FAM78B: variants seen among roughly 807,000 people sequenced by gnomAD.
FAM78B encodes protein FAM78B.
FAM78B carries 10 observed loss-of-function variants against 20.0 expected under a neutral mutation model. That is an observed-to-expected ratio of 0.50 (90% CI 0.31 to 0.85). The LOEUF is 0.85. Ranked by LOEUF, FAM78B falls within the 40% of genes least tolerant of loss-of-function variation. FAM78B has a pLI of 0.05. For synonymous variants in FAM78B, 135 were observed against 132.8 expected (o/e 1.02, Z -0.12); for missense variants, 283 against 345.0 (o/e 0.82, Z 1.42).
At position 166,106,941 on chromosome 1, in the gene FAM78B, C is replaced by A. The variant is rs143902812; in HGVS notation, c.264-36178G>T. Reference sequence around the variant, plus strand: ...CATATACAAAAGTAAAAAAAAAAATCTTTGAACTGAAGAACAATAATGACA... The same window carrying A: ...CATATACAAAAGTAAAAAAAAAAATATTTGAACTGAAGAACAATAATGACA... On this transcript the variant is annotated intron_variant, in intron 1 of 1. Coordinates refer to ENST00000354422, the MANE Select transcript of FAM78B (RefSeq NM_001017961.5). Among the ~76,000 whole-genome samples, 280 of 152,000 alleles carry A rather than the reference C, an allele frequency of 1.8e-3. 1 individual carries two copies. Among genetic ancestry groups the A allele is most frequent in the African/African-American group, 6.4e-3 (264 of 41,492 alleles).
chr1:166,116,934 G>A (rs4074897), intron 1 of FAM78B, among the ~76,000 whole-genome samples: 91,848 of 152,066 alleles, frequency 0.6, 29,418 homozygotes, highest in Non-Finnish European at 0.73. Flanking sequence ...TAATGGCAGC[G>A]CCCTGCCATC....
At chr1:166,119,359 A>G (rs886996657) in intron 1 of FAM78B, among the ~76,000 whole-genome samples, 1 of 152,150 alleles carries the variant, frequency 6.6e-6, no homozygotes, top group Non-Finnish European at 1.5e-5. Flanking sequence ...TGAGTACCTG[A>G]TATTTACCTT....
intron 1 of FAM78B, among the ~76,000 whole-genome samples, chr1:166,084,235 ACACTCTCTCTCTCT>A (rs1652709589): frequency 1.7e-5 from 2 of 119,966 alleles, no homozygotes; most frequent in African/African-American, 5.7e-5. Flanking sequence ...ACACACACAC[ACACTCTCTCTCTCT>A]CTCTCTCTCT....
intron 1 of FAM78B, among the ~76,000 whole-genome samples, chr1:166,108,281 A>T (rs1268545916): frequency 6.6e-6 from 1 of 152,186 alleles, no homozygotes; most frequent in Non-Finnish European, 1.5e-5. Context: ...GAACTGATAA[A>T]AGAATTCAGC....
At chr1:166,077,744 C>T (rs1167817651) in intron 1 of FAM78B, among the ~76,000 whole-genome samples, 1 of 129,540 alleles carries the variant, frequency 7.7e-6, no homozygotes, top group African/African-American at 3.0e-5. Context: ...ATAATAAATA[C>T]ATATAATTAC....
chr1:166,123,986 A>T (rs1308519647), intron 1 of FAM78B, among the ~76,000 whole-genome samples: 1 of 152,194 alleles, frequency 6.6e-6, no homozygotes, highest in Non-Finnish European at 1.5e-5. Flanking sequence ...GAGGAGTGGG[A>T]TCTGGGCTGC....
chr1:166,157,458 G>A (rs1226770915), intron 1 of FAM78B, among the ~76,000 whole-genome samples: 1 of 151,496 alleles, frequency 6.6e-6, no homozygotes, highest in Non-Finnish European at 1.5e-5. Flanking sequence ...TCTTCTGACT[G>A]GAACCCTGCG....
intron 1 of FAM78B, among the ~76,000 whole-genome samples, chr1:166,131,124 T>C (rs540052194): frequency 1.1e-3 from 163 of 152,060 alleles, no homozygotes; most frequent in African/African-American, 3.8e-3. Context: ...CCTGAGTAGC[T>C]GGGACTACAG....
chr1:166,085,399 A>G (rs1652786797), intron 1 of FAM78B, among the ~76,000 whole-genome samples: 1 of 152,224 alleles, frequency 6.6e-6, no homozygotes, highest in African/African-American at 2.4e-5. Context: ...GGGTGGGGTC[A>G]GAACTCAAGA....
In FAM78B at chr1:166,070,502, G is replaced by A. The variant is rs1177907089; in HGVS notation, c.525C>T (p.Ala175=). The A allele has an allele frequency of 1.9e-6, 3 of 1,614,162 alleles. No individual in the cohort carries two copies. The highest frequency in any genetic ancestry group is 1.7e-6 in the Non-Finnish European group (2 of 1,180,024). ...TCTTCTCCTTTGTGGTGGTGTTCAT[G>A]GCCACCAGCCAGGTCGTGAAACTTT... is the stretch of plus-strand genomic sequence containing the variant. ...RDQSFTTWLV[A]MNTTTKEKII... is the part of the protein sequence containing the mutation. The change falls in exon 2 of 2, where the codon GCC becomes GCT. Residue 175 remains alanine, a synonymous_variant. Transcript: ENST00000354422.
chr1:166,156,566 A>C (rs1368688385), intron 1 of FAM78B, among the ~76,000 whole-genome samples: 1 of 152,222 alleles, frequency 6.6e-6, no homozygotes, highest in Non-Finnish European at 1.5e-5. Context: ...TGCTTATCTG[A>C]AATAGGAATA....
intron 1 of FAM78B, among the ~76,000 whole-genome samples, chr1:166,165,733 C>A (rs1479552059): frequency 2.0e-5 from 3 of 152,188 alleles, no homozygotes; most frequent in Non-Finnish European, 4.4e-5. Flanking sequence ...TCTTCCCGCC[C>A]CGCACCTTTC....
At chr1:166,088,543 A>G (rs1038631105) in intron 1 of FAM78B, among the ~76,000 whole-genome samples, 2 of 152,130 alleles carry the variant, frequency 1.3e-5, no homozygotes, top group African/African-American at 4.8e-5. Flanking sequence ...AAAATGGGAT[A>G]ATAATGCCTT....
At position 166,108,558 on chromosome 1, in the gene FAM78B, T is replaced by C. The variant is rs188554541; in HGVS notation, c.264-37795A>G. Reference sequence around the variant, plus strand: ...ATCCCACGCTTATGGATGGGTCGAATCAATATTGTGAAAATGACCATACTG... The same window carrying C: ...ATCCCACGCTTATGGATGGGTCGAACCAATATTGTGAAAATGACCATACTG... On this transcript the variant is annotated intron_variant, in intron 1 of 1. Coordinates refer to ENST00000354422, the MANE Select transcript of FAM78B (RefSeq NM_001017961.5). Among the ~76,000 whole-genome samples the C allele has an allele frequency of 1.1e-3, 160 of 152,256 alleles. 1 individual carries two copies. The highest frequency in any genetic ancestry group is 3.7e-3 in the African/African-American group (155 of 41,556).
At chr1:166,109,859 T>TATATATATATATATA (rs1653954417) in intron 1 of FAM78B, among the ~76,000 whole-genome samples, 1 of 23,690 alleles carries the variant, frequency 4.2e-5, no homozygotes, top group Non-Finnish European at 9.2e-5. Context: ...TATATATATA[T>TATATATATATATATA]ATGTATGTGT....
At chr1:166,090,782 CA>C (rs1315000905) in intron 1 of FAM78B, among the ~76,000 whole-genome samples, 2 of 152,278 alleles carry the variant, frequency 1.3e-5, no homozygotes, top group Non-Finnish European at 2.9e-5. Context: ...GACATGTCAT[CA>C]GGGGCAGCAG....
chr1:166,141,983 C>T (rs1208155580), intron 1 of FAM78B, among the ~76,000 whole-genome samples: 1 of 152,154 alleles, frequency 6.6e-6, no homozygotes, highest in African/African-American at 2.4e-5. Context: ...GTGGTGTTCT[C>T]TCCTGGTCTT....
At chr1:166,140,449 A>G (rs146670555) in intron 1 of FAM78B, among the ~76,000 whole-genome samples, 1 of 152,370 alleles carries the variant, frequency 6.6e-6, no homozygotes, top group African/African-American at 2.4e-5. Context: ...ACAGCATTAC[A>G]GGGCTTCGGG....
chr1:166,166,027 G>A lies in FAM78B; in HGVS notation c.222C>T (p.Cys74=). Residue 74 remains cysteine (C), a synonymous_variant, in exon 1 of 2, where the codon TGC becomes TGT. Transcript: ENST00000354422. The part of the protein sequence containing the change: ...ETWVVGWIQA[C]NQMEFFNTYS... ...AGGTGTTGAAGAACTCCATCTGATT[G>A]CACGCCTGAATCCAGCCCACCACCC... The A allele has an allele frequency of 1.3e-6, 2 of 1,598,922 alleles. No homozygotes were observed. Among genetic ancestry groups the A allele is most frequent in the Non-Finnish European group, 1.7e-6 (2 of 1,171,054 alleles).
Sources: allele counts gnomAD v4.1 joint callset (sites outside exome capture counted in the v4.1 genomes callset), GRCh38; gene constraint gnomAD v4.1.1; transcripts MANE v1.5; gene names NCBI Gene and HGNC (gene_info 2026-07-23, HGNC 2026-07-21).